The following ABCA13 variants were observed in gnomAD, a reference collection of about 807,000 sequenced individuals.
The protein encoded by ABCA13 is ATP binding cassette subfamily A member 13.
Under a neutral mutation model 478.7 loss-of-function variants are expected in ABCA13, and 476 were observed. That is an observed-to-expected ratio of 0.99 (90% CI 0.92 to 1.07). The LOEUF (loss-of-function observed/expected upper bound fraction) is 1.07. Among genes scored for constraint, ABCA13 ranks in the 50% least tolerant of loss-of-function variants. The probability of loss-of-function intolerance (pLI) is 0.00; values close to 1 mark genes in which losing one functional copy is unlikely to be tolerated. For missense variants in ABCA13, 6,060 were observed against 5,910.6 expected (o/e 1.03, Z -0.83); for synonymous variants, 2,252 against 2,158.9 (o/e 1.04, Z -1.20).
chr7:48,203,303 C>A (rs1486343667), intron 3 of ABCA13, among the ~76,000 whole-genome samples: 1 of 152,222 alleles, frequency 6.6e-6, no homozygotes, highest in Non-Finnish European at 1.5e-5. Flanking sequence ...TCTCCCTCCA[C>A]ACCTCCCCGC....
chr7:48,361,608 A>T lies in ABCA13; in HGVS notation c.10689-6186A>T, dbSNP rs760371022. Among the ~76,000 whole-genome samples the T allele has an allele frequency of 3.3e-5, 5 of 151,378 alleles. 1 individual carries two copies. Among genetic ancestry groups the T allele is most frequent in the African/African-American group, 1.2e-4 (5 of 41,058 alleles). On this transcript the variant is annotated intron_variant, in intron 31 of 61. Transcript: ENST00000435803. ...ATTTGAGACTAAAGTTTAATTCATT[A>T]TTTTTAGTTTTTTTCTTAAATATTT... is the stretch of plus-strand genomic sequence containing the variant.
chr7:48,422,074 A>G (rs2885480), intron 41 of ABCA13, among the ~76,000 whole-genome samples: 3 of 131,954 alleles, frequency 2.3e-5, no homozygotes, highest in African/African-American at 5.9e-5. Flanking sequence ...AAAAAAAAAA[A>G]AAAAAAAAAA....
Position 48,389,446 on chromosome 7 carries a change from A to G in ABCA13, c.11654+226A>G, listed in dbSNP as rs1043380762. ...CACTGTAGGCCTGGGGCTCAGTCAA[A>G]GGGGTAGTGGTGGATAGCTTTTTAA... On this transcript the variant is annotated intron_variant, in intron 37 of 61. Transcript: ENST00000435803. Among the ~76,000 whole-genome samples the G allele has an allele frequency of 3.0e-4, 46 of 152,132 alleles. 1 individual carries two copies. The highest frequency in any genetic ancestry group is 1.0e-3 in the African/African-American group (43 of 41,424).
At chr7:48,194,745 G>T (rs1797701587) in intron 2 of ABCA13, among the ~76,000 whole-genome samples, 1 of 152,144 alleles carries the variant, frequency 6.6e-6, no homozygotes, top group African/African-American at 2.4e-5. Flanking sequence ...CTATCAGTTT[G>T]TCTTTGTTGT....
At position 48,273,690 on chromosome 7, in the gene ABCA13, G is replaced by T; in HGVS notation, c.4024G>T (p.Asp1342Tyr). 1 of 1,608,218 alleles carries T rather than the reference G, an allele frequency of 6.2e-7. No individual in the cohort carries two copies. Among genetic ancestry groups the T allele is most frequent in the South Asian group, 1.1e-5 (1 of 90,352 alleles). The change falls in exon 17 of 62, where the codon GAT becomes TAT. Residue 1342 changes from aspartate to tyrosine, a missense_variant. Asp to Tyr is a radical substitution (Grantham distance 160, BLOSUM62 -3). Around this residue, in one of 3 missense-constraint regions of ABCA13, gnomAD observed 4,423 missense variants for 4,309.1 expected, o/e 1.03. Coordinates refer to ENST00000435803, the MANE Select transcript of ABCA13 (RefSeq NM_152701.5). ...TCTTAGAAATGTATCACATGATCGA[G>T]ATTTGTTTTCCTGTGCTGATATTTT... is the stretch of plus-strand genomic sequence containing the variant. ...VFLRNVSHDRDLFSCADIFQN... is the reference protein window; with the variant it reads ...VFLRNVSHDRYLFSCADIFQN...
At chr7:48,377,467 A>G (rs1813681617) in intron 35 of ABCA13, among the ~76,000 whole-genome samples, 1 of 152,214 alleles carries the variant, frequency 6.6e-6, no homozygotes. Flanking sequence ...AATCTTATAC[A>G]AATGAAAATG....
chr7:48,305,288 C>T (rs1216971632), intron 23 of ABCA13, among the ~76,000 whole-genome samples: 3 of 152,164 alleles, frequency 2.0e-5, no homozygotes, highest in African/African-American at 7.2e-5. Flanking sequence ...ACCACCTTGC[C>T]ACAGTGTGGC....
chr7:48,558,068 A>T (rs1786026863), intron 55 of ABCA13, among the ~76,000 whole-genome samples: 1 of 150,764 alleles, frequency 6.6e-6, no homozygotes. Context: ...CTTCTGCTTG[A>T]TCAATTATAC....
At chr7:48,617,515 A>G (rs1489828105) in intron 59 of ABCA13, among the ~76,000 whole-genome samples, 1 of 152,144 alleles carries the variant, frequency 6.6e-6, no homozygotes, top group Non-Finnish European at 1.5e-5. Flanking sequence ...GCTGGGAGAC[A>G]TCTGCCCAGA....
At chr7:48,637,410 A>G (rs549101871) in intron 59 of ABCA13, among the ~76,000 whole-genome samples, 131 of 122,312 alleles carry the variant, frequency 1.1e-3, no homozygotes, top group Non-Finnish European at 1.8e-3. Flanking sequence ...AAAAAAACAG[A>G]GAGAGAAAGA....
chr7:48,273,054 A>G lies in ABCA13; in HGVS notation c.3388A>G (p.Asn1130Asp), dbSNP rs1795836339. ...TTTTCCATTGGCACAAATTTTTTCA[A>G]ACCTCTCAGCAAATGTCAGTGTGTT... ...FVFPLAQIFS[N>D]LSANVSVFNK... Residue 1130 changes from asparagine to aspartate, a missense_variant, in exon 17 of 62, where the codon AAC becomes GAC. Asn to Asp is a conservative substitution (Grantham distance 23). Transcript: ENST00000435803. The G allele has an allele frequency of 6.2e-7, 1 of 1,613,656 alleles. No individual in the cohort carries two copies. Among genetic ancestry groups the G allele is most frequent in the Non-Finnish European group, 8.5e-7 (1 of 1,179,722 alleles).
Position 48,240,919 on chromosome 7 carries a change from T to G in ABCA13, c.1115T>G (p.Met372Arg), listed in dbSNP as rs758409714. The G allele has an allele frequency of 1.9e-6, 3 of 1,610,862 alleles. No individual in the cohort carries two copies. The Admixed American group carries it at 5.0e-5, about 27-fold the overall frequency. ...GSLLQKTLTG[M>R]GHSLEALRNQ... ...CTGCTTCAGAAGACACTCACAGGCA[T>G]GGGCCATAGTCTGGAGGCTCTCAGG... Residue 372 changes from methionine to arginine, a missense_variant, in exon 10 of 62, where the codon ATG (methionine) becomes AGG (arginine). Coordinates refer to ENST00000435803, the MANE Select transcript of ABCA13 (RefSeq NM_152701.5).
In ABCA13 at chr7:48,279,647, A is replaced by G. The variant is rs1384394712; in HGVS notation, c.8453A>G (p.Asn2818Ser). The change falls in exon 18 of 62, where the codon AAT (asparagine) becomes AGT (serine). Residue 2818 changes from asparagine to serine, a missense_variant. This residue lies in a region of ABCA13 where 4,423 missense variants were observed against 4,309.1 expected (regional missense o/e 1.03). Coordinates refer to ENST00000435803, the MANE Select transcript of ABCA13 (RefSeq NM_152701.5). ...CATCAACTTGAAAAAGCAATCCATA[A>G]TGTTTTAAGTAGAATAGCTCTCTGG... is the stretch of plus-strand genomic sequence containing the variant. The part of the protein sequence containing the change: ...THHQLEKAIH[N>S]VLSRIALWRK... 6.2e-7 allele frequency: 1 copy of G among 1,613,188 alleles called. No individual in the cohort carries two copies. The highest frequency in any genetic ancestry group is 8.5e-7 in the Non-Finnish European group (1 of 1,179,608).
intron 42 of ABCA13, among the ~76,000 whole-genome samples, chr7:48,454,819 A>T (rs1020978150): frequency 6.6e-5 from 10 of 152,214 alleles, no homozygotes; most frequent in Admixed American, 2.0e-4. Flanking sequence ...ACGCGTTGCC[A>T]CGAGGCTTCC....
chr7:48,214,089 G>A (rs1038170749), intron 3 of ABCA13, among the ~76,000 whole-genome samples: 5 of 152,228 alleles, frequency 3.3e-5, no homozygotes, highest in Non-Finnish European at 4.4e-5. Flanking sequence ...CTTGCTCCAC[G>A]TGCTGCAGAC....
intron 52 of ABCA13, among the ~76,000 whole-genome samples, chr7:48,519,360 A>T (rs1832367489): frequency 6.6e-6 from 1 of 152,166 alleles, no homozygotes; most frequent in South Asian, 2.1e-4. Flanking sequence ...CTGGTTCTAG[A>T]TCTTTGAGGA....
At chr7:48,637,381 C>CAAAAGAAAAAAAAAAA (rs1794732543) in intron 59 of ABCA13, among the ~76,000 whole-genome samples, 1 of 20,258 alleles carries the variant, frequency 4.9e-5, no homozygotes, top group Non-Finnish European at 8.6e-5. Context: ...GTTCATAAAG[C>CAAAAGAAAAAAAAAAA]AAAAAAAAAA....
chr7:48,588,253 A>T (rs1367239309), intron 57 of ABCA13, among the ~76,000 whole-genome samples: 1 of 152,206 alleles, frequency 6.6e-6, no homozygotes, highest in Non-Finnish European at 1.5e-5. Context: ...CATATTCCAG[A>T]ATCTGATAAT....
At chr7:48,293,192 G>GGGCCCCCCCCCCC (rs1798787635) in intron 20 of ABCA13, among the ~76,000 whole-genome samples, 2 of 108,324 alleles carry the variant, frequency 1.8e-5, no homozygotes, top group Non-Finnish European at 3.9e-5. Context: ...GAAGTCTTCA[G>GGGCCCCCCCCCCC]CCCCCCCCCC....
Sources: allele counts gnomAD v4.1 joint callset (sites outside exome capture counted in the v4.1 genomes callset), GRCh38; gene constraint gnomAD v4.1.1; regional missense constraint gnomAD v4.1.1; transcripts MANE v1.5; gene names NCBI Gene and HGNC (gene_info 2026-07-23, HGNC 2026-07-21).